PSMD11: variants seen among roughly 807,000 people sequenced by gnomAD.
The protein encoded by PSMD11 is proteasome 26S subunit, non-ATPase 11.
In PSMD11, 5 loss-of-function variants were observed where a neutral mutation model predicts 62.3. The observed-to-expected ratio is 0.08, with a 90% confidence interval of 0.04 to 0.17. PSMD11 has a LOEUF of 0.17. Among genes scored for constraint, PSMD11 ranks in the 10% least tolerant of loss-of-function variants. The pLI is 1.00. For synonymous variants in PSMD11, 191 were observed against 191.8 expected, an observed-to-expected ratio of 1.00 and a Z score of 0.03; for missense variants, 310 against 512.9, an observed-to-expected ratio of 0.60 and a Z score of 3.82.
intron 5 of PSMD11, 62 bp from the exon 6 acceptor site, chr17:32,468,937 A>G: frequency 7.1e-7 from 1 of 1,403,264 alleles, no homozygotes. Context: ...AGGGTGGGAG[A>G]GTGAGCTATT....
intron 8 of PSMD11, chr17:32,477,311 G>A: frequency 2.4e-6 from 1 of 413,458 alleles, no homozygotes; most frequent in Non-Finnish European, 4.3e-6. Context: ...GTATTATTAA[G>A]TCATTTCAGG....
chr17:32,459,929 G>A (rs867264013), intron 3 of PSMD11, among the ~76,000 whole-genome samples: 1 of 151,904 alleles, frequency 6.6e-6, no homozygotes, highest in Non-Finnish European at 1.5e-5. Context: ...ACCCGGCCTT[G>A]TTCTTAGTTC....
chr17:32,473,771 T>C, intron 6 of PSMD11, 30 bp from the exon 7 acceptor site: 1 of 1,609,562 alleles, frequency 6.2e-7, no homozygotes, highest in Non-Finnish European at 8.5e-7. Context: ...TTATTTTATA[T>C]GTTCTTATTC....
chr17:32,468,424 A>G (rs563979298), intron 5 of PSMD11, among the ~76,000 whole-genome samples: 4 of 124,500 alleles, frequency 3.2e-5, no homozygotes, highest in Non-Finnish European at 4.1e-5. Context: ...ACAGGGATTT[A>G]TTTCTGTTTT....
intron 2 of PSMD11, among the ~76,000 whole-genome samples, chr17:32,454,038 T>G (rs1177447429): frequency 6.6e-6 from 1 of 152,182 alleles, no homozygotes; most frequent in Admixed American, 6.5e-5. Flanking sequence ...GTAGAAAATC[T>G]CTGTCTAAGG....
intron 3 of PSMD11, among the ~76,000 whole-genome samples, chr17:32,459,127 TATATATATATATGTA>T: frequency 7.0e-6 from 1 of 142,632 alleles, no homozygotes; most frequent in South Asian, 2.2e-4. Context: ...TATATATATA[TATATATATATATGTA>T]TTTTTTTTTT....
chr17:32,471,176 A>C (rs933769827), intron 6 of PSMD11, among the ~76,000 whole-genome samples: 2 of 152,204 alleles, frequency 1.3e-5, no homozygotes, highest in African/African-American at 4.8e-5. Flanking sequence ...AATATACACA[A>C]ATAGAGAATT....
chr17:32,447,315 C>G, intron 2 of PSMD11: 1 of 314,764 alleles, frequency 3.2e-6, no homozygotes, highest in South Asian at 5.0e-5. Flanking sequence ...TCACTGTATT[C>G]CCTTACATAG....
At chr17:32,477,221 T>C (rs1414877680) in intron 8 of PSMD11, 2 of 294,506 alleles carry the variant, frequency 6.8e-6, no homozygotes, top group Non-Finnish European at 1.2e-5. Flanking sequence ...CACAGTTCTC[T>C]TGTCATTTTT....
chr17:32,464,956 C>G (rs1267573853), intron 5 of PSMD11, among the ~76,000 whole-genome samples: 1 of 151,988 alleles, frequency 6.6e-6, no homozygotes, highest in Non-Finnish European at 1.5e-5. Context: ...TTTACTATAT[C>G]TGCTTATATA....
Position 32,480,807 on chromosome 17 carries a change from T to G in PSMD11, c.*55T>G. On this transcript the variant is annotated 3_prime_UTR_variant, in exon 14 of 14. Transcript: ENST00000261712. ...TGTGTGTGGCGGGAGAGTGAAACCT[T>G]GGGGGAAAATGCTAGGAGATTCTTT... 1.6e-6 allele frequency: 1 copy of G among 633,926 alleles called. No individual in the cohort carries two copies. The highest frequency in any genetic ancestry group is 2.5e-6 in the Non-Finnish European group (1 of 399,794). 39.3% of individuals were successfully genotyped at this position (633,926 alleles called of 1,614,324 possible).
rs1302226249 is a variant in PSMD11 at position 32,479,347 on chromosome 17, C to T, written c.1009C>T (p.Arg337Ter). 1.2e-6 allele frequency: 2 copies of T among 1,613,980 alleles called. No individual in the cohort carries two copies. The highest frequency in any genetic ancestry group is 1.3e-5 in the African/African-American group (1 of 74,898). The change falls in exon 10 of 14, where the codon CGA (arginine) becomes TGA (stop). Residue 337 changes from arginine (R) to a stop codon, truncating the protein, a stop_gained. Coordinates refer to ENST00000261712, the MANE Select transcript of PSMD11 (RefSeq NM_002815.4). LOFTEE classifies it high-confidence loss of function. ...YDNLLEQNLIRVIEPFSRVQI... is the reference protein window; with the variant it reads ...YDNLLEQNLI ...TAACTTACTAGAACAGAATCTGATC[C>T]GAGTCATTGAGCCTTTTTCCAGAGT...
Position 32,444,541 on chromosome 17 carries a change from G to C in PSMD11, c.18G>C (p.Val6=). 2 of 1,607,014 alleles carry C rather than the reference G, an allele frequency of 1.2e-6. No individual in the cohort carries two copies. The highest frequency in any genetic ancestry group is 1.7e-6 in the Non-Finnish European group (2 of 1,177,202). The change falls in exon 1 of 14, where the codon GTG becomes GTC. Residue 6 remains valine (V), a synonymous_variant. Coordinates refer to ENST00000261712, the MANE Select transcript of PSMD11 (RefSeq NM_002815.4). MAAAA[V]VEFQRAQSLL... ...GCGGTAAGATGGCGGCGGCGGCGGT[G>C]GTGGAGTTCCAGAGAGCCCAGTCTC... is the stretch of plus-strand genomic sequence containing the variant.
At position 32,444,758 on chromosome 17, in the gene PSMD11, C is replaced by T. The variant is rs980816853; in HGVS notation, c.91+144C>T. On this transcript the variant is annotated intron_variant, in intron 1 of 13. Transcript: ENST00000261712. ...GGGGCCGGGCCGGGGGCGCAGGCCG[C>T]TCGGAGCTCCCCAGAGCCTCCCAGG... The T allele has an allele frequency of 5.2e-6, 5 of 956,000 alleles. No individual in the cohort carries two copies. In the African/African-American group the frequency reaches 6.8e-5, roughly 13 times the overall value. 59.2% of individuals were successfully genotyped at this position (956,000 alleles called of 1,614,324 possible). A position where few individuals can be genotyped will look rare whatever the true frequency, so the allele number is the denominator to read the frequency against.
At chr17:32,456,854 A>G (rs1413923510) in intron 3 of PSMD11, among the ~76,000 whole-genome samples, 1 of 151,490 alleles carries the variant, frequency 6.6e-6, no homozygotes, top group Admixed American at 6.6e-5. Context: ...TTTAGTAGAG[A>G]CGGGGTTTCA....
rs1184948829 is a variant in PSMD11 at position 32,480,536 on chromosome 17, C to G, written c.1174C>G (p.Pro392Ala). ...TGTCCTGATTATTTTCGATGAACCC[C>G]CAGTAGATAAAACTTACGAAGCTGC... ...EGVLIIFDEP[P>A]VDKTYEAALE... The change falls in exon 13 of 14, where the codon CCA (proline) becomes GCA (alanine). Residue 392 changes from proline to alanine, a missense_variant. By Grantham distance (27) the Pro-to-Ala change is conservative. Transcript: ENST00000261712. 1 of 1,614,082 alleles carries G rather than the reference C, an allele frequency of 6.2e-7. No individual in the cohort carries two copies.
intron 3 of PSMD11, among the ~76,000 whole-genome samples, chr17:32,459,592 G>A (rs1907763903): frequency 1.3e-5 from 2 of 152,170 alleles, no homozygotes; most frequent in South Asian, 4.2e-4. Flanking sequence ...ATGTAAGCAT[G>A]GGGTGTTGTT....
Position 32,474,080 on chromosome 17 carries a change from A to T in PSMD11, c.788+135A>T. 1.9e-6 allele frequency: 2 copies of T among 1,068,620 alleles called. 1 individual carries two copies. The highest frequency in any genetic ancestry group is 4.6e-5 in the Admixed American group (2 of 43,780). The allele number at this position is 1,068,620 out of a possible 1,614,324, so 66.2% of individuals were successfully genotyped here. A position where few individuals can be genotyped will look rare whatever the true frequency, so the allele number is the denominator to read the frequency against. ...CAGCTGCGGCCTCTAGGGCTGGCTA[A>T]GGTAGAGCGGGAGGATCAAAAGTGG... is the stretch of plus-strand genomic sequence containing the variant. On this transcript the variant is annotated intron_variant, in intron 7 of 13. Coordinates refer to ENST00000261712, the MANE Select transcript of PSMD11 (RefSeq NM_002815.4).
chr17:32,480,466 G>A (rs1369292337), intron 12 of PSMD11, 23 bp from the exon 13 acceptor site: 1 of 1,614,024 alleles, frequency 6.2e-7, no homozygotes, highest in East Asian at 2.2e-5. Context: ...CTTTTACCTG[G>A]GTTGCCCTTG....
Sources: allele counts gnomAD v4.1 joint callset (sites outside exome capture counted in the v4.1 genomes callset), GRCh38; gene constraint gnomAD v4.1.1; transcripts MANE v1.5; gene names NCBI Gene and HGNC (gene_info 2026-07-23, HGNC 2026-07-21).